EPB41: variants seen among roughly 807,000 people sequenced by gnomAD.
EPB41 encodes the protein protein 4.1.
A neutral mutation model predicts 108.0 loss-of-function variants in EPB41; 65 were observed. The observed-to-expected ratio is 0.60, with a 90% CI of 0.49 to 0.74. EPB41 has a LOEUF of 0.74. Among genes scored for constraint, EPB41 ranks in the 30% least tolerant of loss-of-function variants. The pLI, the probability that EPB41 is intolerant of heterozygous loss-of-function variation, is 0.00. For synonymous variants in EPB41, 336 were observed against 358.9 expected (o/e 0.94, Z 0.72); for missense variants, 875 against 1,037.0 (o/e 0.84, Z 2.15).
chr1:29,082,983 A>G (rs1359002098), intron 16 of EPB41, among the ~76,000 whole-genome samples: 1 of 152,224 alleles, frequency 6.6e-6, no homozygotes, highest in African/African-American at 2.4e-5. Flanking sequence ...TTTTCCTATC[A>G]TAAGCAATTT....
intron 1 of EPB41, among the ~76,000 whole-genome samples, chr1:28,962,004 A>G (rs114254944): frequency 0.025 from 3,757 of 150,126 alleles, 150 homozygotes; most frequent in African/African-American, 0.087. Flanking sequence ...TGATTTCTCT[A>G]GTTGATATTG....
At chr1:28,933,437 A>G (rs1207200586) in intron 1 of EPB41, among the ~76,000 whole-genome samples, 4 of 152,180 alleles carry the variant, frequency 2.6e-5, no homozygotes, top group Admixed American at 1.3e-4. Context: ...GCTGACTTCA[A>G]AACTGATGTG....
intron 1 of EPB41, among the ~76,000 whole-genome samples, chr1:28,934,942 T>C (rs2093931224): frequency 6.6e-6 from 1 of 151,712 alleles, no homozygotes; most frequent in Non-Finnish European, 1.5e-5. Flanking sequence ...AGTGAGGCCT[T>C]GTCCCTACAA....
chr1:29,041,163 A>T (rs1240671477), intron 11 of EPB41: 4 of 149,992 alleles, frequency 2.7e-5, no homozygotes, highest in African/African-American at 7.3e-5. Context: ...AAATAAATAA[A>T]TAAATAAATA....
Position 29,060,429 on chromosome 1 carries a change from G to C in EPB41, c.1952G>C (p.Arg651Thr). 6.2e-7 allele frequency: 1 copy of C among 1,612,394 alleles called. No individual in the cohort carries two copies. The highest frequency in any genetic ancestry group is 8.5e-7 in the Non-Finnish European group (1 of 1,178,622). ...CCCCTTTCATTTTCACAGAAAAAGA[G>C]AGAAAGACTAGATGGTGAAAACATT... ...EDLIRMRKKK[R>T]ERLDGENIYI... is the part of the protein sequence containing the mutation. The change falls in exon 15 of 21, where the codon AGA (arginine) becomes ACA (threonine). Residue 651 changes from arginine (R) to threonine (T), a missense_variant. Transcript: ENST00000343067.
rs183405765 is a variant in EPB41 at position 29,057,245 on chromosome 1, G to T, written c.1846-1344G>T. On this transcript the variant is annotated intron_variant, in intron 12 of 20. Transcript: ENST00000343067. ...CAAAAAATTAGCCAGGCATGGTGGC[G>T]GGTGCCTGTAGTCCCAGCTACTTGG... Among the ~76,000 whole-genome samples, 330 of 151,738 alleles carry T rather than the reference G, an allele frequency of 2.2e-3. 1 individual carries two copies. Among genetic ancestry groups the T allele is most frequent in the African/African-American group, 7.5e-3 (312 of 41,372 alleles).
chr1:28,958,628 CATGGTGA>C (rs2095058293), intron 1 of EPB41, among the ~76,000 whole-genome samples: 1 of 151,548 alleles, frequency 6.6e-6, no homozygotes, highest in African/African-American at 2.4e-5. Context: ...GCCTGGGCAA[CATGGTGA>C]AACCCTGTCT....
At chr1:28,991,829 G>T (rs1429696971) in intron 2 of EPB41, among the ~76,000 whole-genome samples, 4 of 152,162 alleles carry the variant, frequency 2.6e-5, no homozygotes, top group South Asian at 2.1e-4. Flanking sequence ...AACCCTGCAG[G>T]CCAGGTACTA....
intron 1 of EPB41, among the ~76,000 whole-genome samples, chr1:28,944,476 A>G (rs1197442651): frequency 6.6e-6 from 1 of 151,658 alleles, no homozygotes; most frequent in Non-Finnish European, 1.5e-5. Context: ...CACATACCCC[A>G]TAAATATATA....
chr1:29,027,336 AT>A (rs200392956), intron 7 of EPB41, among the ~76,000 whole-genome samples: 18,023 of 140,442 alleles, frequency 0.13, 1,415 homozygotes, highest in African/African-American at 0.25. Context: ...GTCTCTCAAC[AT>A]TTTTTTTTTT....
chr1:28,968,985 A>AG lies in EPB41; in HGVS notation c.-7-18446_-7-18445insG, dbSNP rs1382060005. ...GCCTCCAAAACCCCCCACCCCCCAAAAAAAAAACACAAACTAAATGAACTT... is the reference window on the plus strand; with the variant it reads ...GCCTCCAAAACCCCCCACCCCCCAAAGAAAAAAACACAAACTAAATGAACTT... On this transcript the variant is annotated intron_variant, in intron 1 of 20. Coordinates refer to ENST00000343067, the MANE Select transcript of EPB41 (RefSeq NM_001376013.1). 2.0e-5 allele frequency among the ~76,000 whole-genome samples: 3 copies of AG among 147,206 alleles called. No individual in the cohort carries two copies. In the East Asian group the frequency reaches 7.1e-4, roughly 35 times the overall value.
intron 3 of EPB41, among the ~76,000 whole-genome samples, chr1:28,995,897 A>T (rs1315127796): frequency 1.3e-5 from 2 of 152,234 alleles, no homozygotes; most frequent in African/African-American, 4.8e-5. Flanking sequence ...TTTGATATGG[A>T]TGAGTTAAGA....
intron 17 of EPB41, among the ~76,000 whole-genome samples, chr1:29,100,107 A>G (rs935071489): frequency 1.3e-5 from 2 of 151,982 alleles, no homozygotes; most frequent in Non-Finnish European, 2.9e-5. Flanking sequence ...TTTTCACTTA[A>G]TCCTCACCTC....
At chr1:29,016,214 C>T (rs1013405416) in intron 6 of EPB41, among the ~76,000 whole-genome samples, 12 of 152,094 alleles carry the variant, frequency 7.9e-5, no homozygotes, top group Non-Finnish European at 1.6e-4. Context: ...TCGCTCTTGT[C>T]GCCCAGTCTG....
At position 29,097,680 on chromosome 1, in the gene EPB41, C is replaced by A. The variant is rs1663701144; in HGVS notation, c.2185-127C>A. On this transcript the variant is annotated intron_variant, in intron 16 of 20. Coordinates refer to ENST00000343067, the MANE Select transcript of EPB41 (RefSeq NM_001376013.1). ...CTGTCGAAGTCTTAGGCAGGGTAAA[C>A]ACCTTTGTAGATTGAGCTAGCTCTG... is the stretch of plus-strand genomic sequence containing the variant. 2.6e-6 allele frequency: 3 copies of A among 1,168,140 alleles called. No homozygotes were observed. The Admixed American group carries it at 5.3e-5, about 21-fold the overall frequency. 72.4% of individuals were successfully genotyped at this position (1,168,140 alleles called of 1,614,324 possible).
intron 1 of EPB41, among the ~76,000 whole-genome samples, chr1:28,968,938 C>T (rs896217048): frequency 1.6e-4 from 24 of 150,788 alleles, no homozygotes; most frequent in African/African-American, 5.6e-4. Context: ...GGACTCCAGC[C>T]TGGGGGATAA....
At chr1:29,112,943 A>T (rs1255902066) in intron 19 of EPB41, among the ~76,000 whole-genome samples, 1 of 152,196 alleles carries the variant, frequency 6.6e-6, no homozygotes, top group African/African-American at 2.4e-5. Context: ...GTAACAGCCG[A>T]GAAGACACGA....
chr1:28,966,558 A>AAGT (rs1403282038), intron 1 of EPB41, among the ~76,000 whole-genome samples: 1 of 152,212 alleles, frequency 6.6e-6, no homozygotes, highest in Non-Finnish European at 1.5e-5. Context: ...AATCAAGTAA[A>AAGT]AACCATATAG....
rs148459745 is a variant in EPB41, at chr1:29,112,395, C to T, written c.2443C>T (p.Arg815Cys). The change falls in exon 19 of 21, where the codon CGT becomes TGT. Residue 815 changes from arginine (R) to cysteine (C), a missense_variant. By Grantham distance (180) the Arg-to-Cys change is radical. This residue lies in a region of EPB41 where 519 missense variants were observed against 627.3 expected (regional missense o/e 0.83). Transcript: ENST00000343067. ...TGTAAAAGGTGGGATTTCAGAGACACGTATTGAAAAGAGAATTGTGATCAC... is the reference window on the plus strand; with the variant it reads ...TGTAAAAGGTGGGATTTCAGAGACATGTATTGAAAAGAGAATTGTGATCAC... ...KTVKGGISET[R>C]IEKRIVITGD... is the part of the protein sequence containing the mutation. 1,276 of 1,613,488 alleles carry T rather than the reference C, an allele frequency of 7.9e-4. 1 individual carries two copies. The highest frequency in any genetic ancestry group is 1.1e-3 in the Admixed American group (67 of 59,922).
Sources: allele counts gnomAD v4.1 joint callset (sites outside exome capture counted in the v4.1 genomes callset), GRCh38; gene constraint gnomAD v4.1.1; regional missense constraint gnomAD v4.1.1; transcripts MANE v1.5; gene names NCBI Gene and HGNC (gene_info 2026-07-23, HGNC 2026-07-21).